Variants in FKBP11 observed in about 807,000 individuals in gnomAD.
The protein encoded by FKBP11 is FKBP prolyl isomerase 11.
In FKBP11, 21 loss-of-function variants were observed where a neutral mutation model predicts 24.7. The ratio of observed to expected loss-of-function variants is 0.85; its 90% CI spans 0.60 to 1.23. FKBP11 has a LOEUF of 1.23. FKBP11 is among the 50% of genes most tolerant of loss of function. FKBP11 has a pLI of 0.00. For synonymous variants in FKBP11, 106 were observed against 100.6 expected, an observed-to-expected ratio of 1.05 and a Z score of -0.32; for missense variants, 245 against 248.7, an observed-to-expected ratio of 0.99 and a Z score of 0.10.
Position 48,925,069 on chromosome 12 carries a change from C to A in FKBP11, c.172G>T (p.Asp58Tyr), listed in dbSNP as rs1321898727. 2 of 1,570,498 alleles carry A rather than the reference C, an allele frequency of 1.3e-6. No individual in the cohort carries two copies. Among genetic ancestry groups the A allele is most frequent in the African/African-American group, 2.7e-5 (2 of 73,596 alleles). The change falls in exon 2 of 6, where the codon GAC (aspartate) becomes TAC (tyrosine). Residue 58 changes from aspartate to tyrosine, a missense_variant. Coordinates refer to ENST00000550765, the MANE Select transcript of FKBP11 (RefSeq NM_016594.3). ...EPCAEPAAFG[D>Y]TLHIHYTGSL... ...ACCGTGTAGTGTATGTGAAGCGTGT[C>A]TCCAAAAGCAGCGGGCTCGGCACAT...
rs1939942106 is a variant in FKBP11, at chr12:48,925,374, T to G, written c.55A>C (p.Ser19Arg). ...PLHLLLLLLL[S>R]AAVCRAEAGL... ...GCCTCAGCCCGGCACACCGCCGCAC[T>G]GAGCAGCAGCAGCAGCAGCAGATGG... The change falls in exon 1 of 6, where the codon AGT becomes CGT. Residue 19 changes from serine (S) to arginine (R), a missense_variant. Physicochemically the swap from Ser to Arg is moderately radical, Grantham distance 110. Coordinates refer to ENST00000550765, the MANE Select transcript of FKBP11 (RefSeq NM_016594.3). The G allele has an allele frequency of 6.2e-7, 1 of 1,603,300 alleles. No homozygotes were observed. The highest frequency in any genetic ancestry group is 8.5e-7 in the Non-Finnish European group (1 of 1,176,036).
the FKBP11 span, chr12:48,938,523 G>C: frequency 2.2e-6 from 1 of 452,958 alleles, no homozygotes. Flanking sequence ...CAATTTCCAT[G>C]TAAAACAGGG....
upstream of FKBP11, among the ~76,000 whole-genome samples, chr12:48,928,215 T>C (rs1316670630): frequency 2.0e-5 from 3 of 151,180 alleles, no homozygotes; most frequent in African/African-American, 7.3e-5. Context: ...CGGCTAATTT[T>C]TAAATTTTTT....
upstream of FKBP11, among the ~76,000 whole-genome samples, chr12:48,928,448 G>A (rs975200864): frequency 2.1e-4 from 32 of 151,482 alleles, no homozygotes; most frequent in Middle Eastern, 3.4e-3. Context: ...GAGTTCAAGC[G>A]AGCATATCTG....
At chr12:48,932,230 TATATATA>T in the FKBP11 span, among the ~76,000 whole-genome samples, 5 of 26,400 alleles carry the variant, frequency 1.9e-4, no homozygotes, top group African/African-American at 4.8e-4. Flanking sequence ...CATATATTTA[TATATATA>T]TATATATATA....
the FKBP11 span, among the ~76,000 whole-genome samples, chr12:48,934,870 G>T: frequency 1.3e-5 from 2 of 151,818 alleles, no homozygotes; most frequent in African/African-American, 2.4e-5. Flanking sequence ...AAATTAGCCG[G>T]GTGTGGTGGC....
Position 48,925,310 on chromosome 12 carries a change from A to C in FKBP11, c.119T>G (p.Val40Gly). The C allele has an allele frequency of 6.2e-7, 1 of 1,612,048 alleles. No individual in the cohort carries two copies. Among genetic ancestry groups the C allele is most frequent in the Non-Finnish European group, 8.5e-7 (1 of 1,179,508 alleles). Residue 40 changes from valine to glycine, a missense_variant, in exon 1 of 6, where the codon GTG becomes GGG. Coordinates refer to ENST00000550765, the MANE Select transcript of FKBP11 (RefSeq NM_016594.3). ...ETESPVRTLQVETLVEPPEPC... is the reference protein window; with the variant it reads ...ETESPVRTLQGETLVEPPEPC... ...GGACTATCTCCTCACCAGGGTCTCCACTTGGAGGGTCCGGACGGGACTTTC... is the reference window on the plus strand; with the variant it reads ...GGACTATCTCCTCACCAGGGTCTCCCCTTGGAGGGTCCGGACGGGACTTTC...
chr12:48,932,640 A>G, the FKBP11 span, among the ~76,000 whole-genome samples: 1 of 151,992 alleles, frequency 6.6e-6, no homozygotes, highest in East Asian at 1.9e-4. Context: ...AGTGCCCTTT[A>G]TTACTATATT....
upstream of FKBP11, among the ~76,000 whole-genome samples, chr12:48,929,586 A>G (rs1046473256): frequency 2.0e-5 from 3 of 152,094 alleles, no homozygotes; most frequent in African/African-American, 7.2e-5. Context: ...TAAAATTCCA[A>G]CTCCTTGACA....
the FKBP11 span, chr12:48,937,300 G>GC: frequency 4.6e-5 from 7 of 152,256 alleles, no homozygotes; most frequent in Non-Finnish European, 1.0e-4. Flanking sequence ...GGGGCCCTGG[G>GC]CCCTGACCTT....
chr12:48,928,831 T>A (rs1344566552), upstream of FKBP11, among the ~76,000 whole-genome samples: 1 of 142,786 alleles, frequency 7.0e-6, no homozygotes, highest in Non-Finnish European at 1.5e-5. Flanking sequence ...TTTTTTTTTT[T>A]TTTTTTTTTG....
chr12:48,925,270 G>A (rs775618336), intron 1 of FKBP11, 30 bp downstream of exon 1: 2 of 1,606,848 alleles, frequency 1.2e-6, no homozygotes, highest in South Asian at 2.2e-5. Flanking sequence ...CTCGGCCCAC[G>A]GGGGCTGAGG....
upstream of FKBP11, among the ~76,000 whole-genome samples, chr12:48,928,368 C>T (rs1034152074): frequency 4.0e-5 from 6 of 149,832 alleles, no homozygotes; most frequent in African/African-American, 1.5e-4. Flanking sequence ...TTCTTTTGAC[C>T]GAGTCTCGCT....
Position 48,923,442 on chromosome 12 carries a change from A to G in FKBP11, c.388+340T>C, listed in dbSNP as rs530124008. 2.6e-6 allele frequency: 4 copies of G among 1,539,708 alleles called. No homozygotes were observed. In the African/African-American group the frequency reaches 5.5e-5, roughly 21 times the overall value. Reference sequence around the variant, plus strand: ...GGGGTGGGGGGTGGCTGTACAGCTGACACAGCGTAGAGTTGTAGAAAAGGG... The same window carrying G: ...GGGGTGGGGGGTGGCTGTACAGCTGGCACAGCGTAGAGTTGTAGAAAAGGG... On this transcript the variant is annotated intron_variant, in intron 5 of 5. Transcript: ENST00000550765.
At chr12:48,933,627 A>G in the FKBP11 span, among the ~76,000 whole-genome samples, 1 of 150,950 alleles carries the variant, frequency 6.6e-6, no homozygotes, top group Non-Finnish European at 1.5e-5. Flanking sequence ...CTTGAACCTG[A>G]GAGGCAGAGG....
At chr12:48,925,799 G>C, upstream of FKBP11, 1 of 246,632 alleles carries the variant, frequency 4.1e-6, no homozygotes, top group Non-Finnish European at 8.1e-6. Flanking sequence ...CCATTTTACA[G>C]ATAAGGCACA....
At chr12:48,925,611 G>A (rs948626807), upstream of FKBP11, 18 of 740,614 alleles carry the variant, frequency 2.4e-5, no homozygotes, top group Admixed American at 4.4e-4. Flanking sequence ...AGGAGGCCGA[G>A]GGGCGCCCTC....
chr12:48,925,010 C>CAA, intron 2 of FKBP11, 36 bp downstream of exon 2: 1 of 1,578,528 alleles, frequency 6.3e-7, no homozygotes, highest in Non-Finnish European at 8.6e-7. Context: ...GCGCCGCCCC[C>CAA]TCCCAGGCCC....
chr12:48,931,373 T>A, upstream of FKBP11: 1 of 1,520,672 alleles, frequency 6.6e-7, no homozygotes. Context: ...GTAGTAGAAA[T>A]GGAAAGGGCA....
Sources: allele counts gnomAD v4.1 joint callset (sites outside exome capture counted in the v4.1 genomes callset), GRCh38; gene constraint gnomAD v4.1.1; transcripts MANE v1.5; gene names NCBI Gene and HGNC (gene_info 2026-07-23, HGNC 2026-07-21).